Variants in ANO9 observed in about 807,000 individuals in gnomAD.
ANO9 encodes the protein anoctamin-9.
Under a neutral mutation model 100.5 loss-of-function variants are expected in ANO9, and 80 were observed. The observed-to-expected ratio is 0.80, with a 90% CI of 0.66 to 0.96. The LOEUF is 0.96. Among genes scored for constraint, ANO9 ranks in the 40% least tolerant of loss-of-function variants. ANO9 has a pLI of 0.00. For synonymous variants in ANO9, 473 were observed against 435.6 expected (o/e 1.09, Z -1.07); for missense variants, 1,064 against 1,072.7 (o/e 0.99, Z 0.11).
chr11:432,421 T>G lies in ANO9; in HGVS notation c.351-367A>C. The stretch of plus-strand genomic sequence containing the variant: ...CAGCCTGCATCCGCACACACCCTCC[T>G]TATACCCTGGAGCTGTTCTGTTCCA... On this transcript the variant is annotated intron_variant, in intron 4 of 22. Transcript: ENST00000332826. This position sits in a 1 kb window ranked among gnomAD's most constrained non-coding sequence, Gnocchi z 4.8. 1 of 323,022 alleles carries G rather than the reference T, an allele frequency of 3.1e-6. No homozygotes were observed. Among genetic ancestry groups the G allele is most frequent in the Non-Finnish European group, 5.9e-6 (1 of 169,744 alleles). 20.0% of individuals were successfully genotyped at this position (323,022 alleles called of 1,614,324 possible). A position where few individuals can be genotyped will look rare whatever the true frequency, so the allele number is the denominator to read the frequency against.
At chr11:424,689 C>T (rs1446792403) in intron 15 of ANO9, among the ~76,000 whole-genome samples, 1 of 151,782 alleles carries the variant, frequency 6.6e-6, no homozygotes, top group African/African-American at 2.4e-5. Context: ...AAAAATGGAC[C>T]CTTTAGGAAA....
chr11:436,003 T>C (rs1849503061), intron 1 of ANO9, among the ~76,000 whole-genome samples: 1 of 151,084 alleles, frequency 6.6e-6, no homozygotes, highest in Admixed American at 6.6e-5. Context: ...ATGTTGTTTA[T>C]GTGACATTGT....
At chr11:435,987 C>T (rs2133712560) in intron 1 of ANO9, among the ~76,000 whole-genome samples, 1 of 150,404 alleles carries the variant, frequency 6.6e-6, no homozygotes, top group East Asian at 1.9e-4. Context: ...CACGCCTACA[C>T]CAAAAATGTT....
chr11:420,365 A>G, intron 19 of ANO9, 98 bp downstream of exon 19: 1 of 1,522,904 alleles, frequency 6.6e-7, no homozygotes, highest in African/African-American at 1.4e-5. Flanking sequence ...CTGAGATCCG[A>G]GAGATTATTT....
chr11:420,921 G>C (rs751647304), intron 17 of ANO9, 24 bp downstream of exon 17: 18 of 1,598,976 alleles, frequency 1.1e-5, no homozygotes, highest in Admixed American at 3.4e-5. Context: ...GGGCTCCCGG[G>C]GCTGGGCGGG....
Position 418,251 on chromosome 11 carries a change from C to T in ANO9, c.*120G>A, listed in dbSNP as rs920421863. On this transcript the variant is annotated 3_prime_UTR_variant, in exon 23 of 23. Coordinates refer to ENST00000332826, the MANE Select transcript of ANO9 (RefSeq NM_001012302.3). ...GCCCTGAACATACAGGGGATTCCTGCGGCCCCACATGGGCACAGCCTTCTC... is the reference window on the plus strand; with the variant it reads ...GCCCTGAACATACAGGGGATTCCTGTGGCCCCACATGGGCACAGCCTTCTC... The T allele has an allele frequency of 8.9e-6, 9 of 1,007,002 alleles. No individual in the cohort carries two copies. The highest frequency in any genetic ancestry group is 2.6e-5 in the East Asian group (1 of 38,208). The allele number at this position is 1,007,002 out of a possible 1,614,324, so 62.4% of individuals were successfully genotyped here. A position where few individuals can be genotyped will look rare whatever the true frequency, so the allele number is the denominator to read the frequency against.
chr11:428,324 G>T, intron 14 of ANO9, 34 bp downstream of exon 14: 1 of 1,611,898 alleles, frequency 6.2e-7, no homozygotes, highest in Non-Finnish European at 8.5e-7. Flanking sequence ...CCTCCCGCCG[G>T]GTCCCCCAAG....
chr11:419,388 ATC>A, intron 20 of ANO9, 192 bp downstream of exon 20: 1 of 1,420,590 alleles, frequency 7.0e-7, no homozygotes, highest in Non-Finnish European at 9.2e-7. Flanking sequence ...CTGGCCAGTT[ATC>A]CCTGACCTCC....
chr11:419,152 C>T, intron 20 of ANO9, 163 bp from the exon 21 acceptor site: 3 of 1,450,758 alleles, frequency 2.1e-6, no homozygotes, highest in African/African-American at 1.4e-5. Context: ...CACATCTTCA[C>T]ATCCGGGGGC....
chr11:428,327 C>A (rs973902420), intron 14 of ANO9, 31 bp downstream of exon 14: 34 of 1,611,838 alleles, frequency 2.1e-5, no homozygotes, highest in Non-Finnish European at 2.7e-5. Context: ...CCCGCCGGGT[C>A]CCCCAAGAGG....
intron 3 of ANO9, 138 bp from the exon 4 acceptor site, chr11:433,597 G>C (rs1849212006): frequency 4.9e-6 from 7 of 1,439,532 alleles, no homozygotes; most frequent in Non-Finnish European, 4.6e-6. Context: ...ATCTGCCGCT[G>C]TGGCCCAGAG....
In ANO9 at chr11:432,414, A is replaced by T. The variant is rs1353682041; in HGVS notation, c.351-360T>A. On this transcript the variant is annotated intron_variant, in intron 4 of 22. Transcript: ENST00000332826. This position sits in a 1 kb window ranked among gnomAD's most constrained non-coding sequence, Gnocchi z 4.8. ...CACACCCCAGCCTGCATCCGCACACACCCTCCTTATACCCTGGAGCTGTTC... is the reference window on the plus strand; with the variant it reads ...CACACCCCAGCCTGCATCCGCACACTCCCTCCTTATACCCTGGAGCTGTTC... 2 of 335,174 alleles carry T rather than the reference A, an allele frequency of 6.0e-6. No individual in the cohort carries two copies. The highest frequency in any genetic ancestry group is 3.7e-5 in the South Asian group (1 of 26,716). The allele number at this position is 335,174 out of a possible 1,614,324, so 20.8% of individuals were successfully genotyped here.
At position 418,806 on chromosome 11, in the gene ANO9, C is replaced by T. The variant is rs1258499988; in HGVS notation, c.2044G>A (p.Asp682Asn). ...SENVTLCRYR[D>N]YRNPPDYNFS... ...TTGTAATCGGGGGGATTGCGGTAGTCCCTGTATCTGGGGTAAGGAAGTACC... is the reference window on the plus strand; with the variant it reads ...TTGTAATCGGGGGGATTGCGGTAGTTCCTGTATCTGGGGTAAGGAAGTACC... The change falls in exon 22 of 23, where the codon GAC becomes AAC. Residue 682 changes from aspartate to asparagine, a missense_variant. Transcript: ENST00000332826. The T allele has an allele frequency of 1.9e-6, 3 of 1,613,190 alleles. No individual in the cohort carries two copies. The highest frequency in any genetic ancestry group is 1.3e-5 in the African/African-American group (1 of 74,904).
intron 7 of ANO9, among the ~76,000 whole-genome samples, chr11:431,202 A>G (rs188808317): frequency 1.0e-3 from 46 of 45,094 alleles, no homozygotes; most frequent in Admixed American, 2.0e-3. Context: ...GGGCTTCCGC[A>G]GGGGTGTGGG....
At position 433,819 on chromosome 11, in the gene ANO9, A is replaced by G; in HGVS notation, c.200T>C (p.Ile67Thr). 1 of 1,560,360 alleles carries G rather than the reference A, an allele frequency of 6.4e-7. No homozygotes were observed. The highest frequency in any genetic ancestry group is 8.7e-7 in the Non-Finnish European group (1 of 1,152,650). The part of the protein sequence containing the change: ...LEELRRKGFH[I>T]KVIRDQKQVF... ...CCTCGCTGGGCACCCGCCCACCTTA[A>G]TGTGGAAGCCCTTTCTCCTGAGCTC... Residue 67 changes from isoleucine to threonine, a missense_variant, in exon 3 of 23, where the codon ATT becomes ACT. Physicochemically the swap from Ile to Thr is moderately conservative, Grantham distance 89. Coordinates refer to ENST00000332826, the MANE Select transcript of ANO9 (RefSeq NM_001012302.3).
chr11:436,647 T>G, intron 1 of ANO9, among the ~76,000 whole-genome samples: 1 of 139,846 alleles, frequency 7.2e-6, no homozygotes, highest in Admixed American at 7.4e-5. Flanking sequence ...GAGCAGGAGG[T>G]GAGCAGGGGG....
rs1319029076 is a variant in ANO9 at position 420,799 on chromosome 11, G to C, written c.1552C>G (p.Pro518Ala). 6.3e-7 allele frequency: 1 copy of C among 1,597,322 alleles called. No homozygotes were observed. Among genetic ancestry groups the C allele is most frequent in the Non-Finnish European group, 8.5e-7 (1 of 1,174,940 alleles). ...ASESGHLPRD[P>A]ELRDWRRNYL... The stretch of plus-strand genomic sequence containing the variant: ...TTGCGCCGCCAGTCCCTGAGCTCGG[G>C]GTCCCGGGGCAGGTGCCCGGACTCG... Residue 518 changes from proline to alanine, a missense_variant, in exon 18 of 23, where the codon CCC (proline) becomes GCC (alanine). Coordinates refer to ENST00000332826, the MANE Select transcript of ANO9 (RefSeq NM_001012302.3).
chr11:429,299 G>A (rs1197362433), intron 11 of ANO9, among the ~76,000 whole-genome samples: 1 of 144,322 alleles, frequency 6.9e-6, no homozygotes. Flanking sequence ...TGGGGAGACA[G>A]ACATGGGACA....
intron 1 of ANO9, 84 bp from the exon 2 acceptor site, chr11:434,182 C>CACA: frequency 7.0e-7 from 1 of 1,425,444 alleles, no homozygotes; most frequent in Non-Finnish European, 9.5e-7. Flanking sequence ...TGCAGCGGAC[C>CACA]ACATGGTCAC....
Sources: allele counts gnomAD v4.1 joint callset (sites outside exome capture counted in the v4.1 genomes callset), GRCh38; gene constraint gnomAD v4.1.1; non-coding constraint Gnocchi (gnomAD v3.1); transcripts MANE v1.5; gene names NCBI Gene and HGNC (gene_info 2026-07-23, HGNC 2026-07-21).